The following UBE2L3 variants were observed in gnomAD, a reference collection of about 807,000 sequenced individuals.
UBE2L3 encodes ubiquitin-conjugating enzyme E2 L3.
In UBE2L3, 1 loss-of-function variant was observed where a neutral mutation model predicts 17.8. That is an observed-to-expected ratio of 0.06 (90% CI 0.02 to 0.27). UBE2L3 has a LOEUF of 0.27. UBE2L3 is among the 10% of genes least tolerant of loss of function. UBE2L3 has a pLI of 1.00. For synonymous variants in UBE2L3, 44 were observed against 68.5 expected, an observed-to-expected ratio of 0.64 and a Z score of 1.76; for missense variants, 40 against 192.6, an observed-to-expected ratio of 0.21 and a Z score of 4.69.
At chr22:21,613,525 T>G (rs1929611547) in intron 3 of UBE2L3, among the ~76,000 whole-genome samples, 2 of 152,218 alleles carry the variant, frequency 1.3e-5, no homozygotes, top group South Asian at 4.1e-4. Flanking sequence ...GTAGATTGTT[T>G]GTGGCATGGC....
chr22:21,610,697 C>CTT (rs779582747), intron 2 of UBE2L3, among the ~76,000 whole-genome samples, 160 bp from the exon 3 acceptor site: 23 of 152,330 alleles, frequency 1.5e-4, no homozygotes, highest in Non-Finnish European at 2.2e-4. Flanking sequence ...TCTAGAAATA[C>CTT]TTTTGGGTGG....
intron 1 of UBE2L3, among the ~76,000 whole-genome samples, chr22:21,586,953 T>G (rs1411121219): frequency 6.6e-6 from 1 of 150,728 alleles, no homozygotes. Context: ...TGGTGTGATC[T>G]TGGCTCACGG....
At chr22:21,600,436 C>G (rs947676636) in intron 2 of UBE2L3, among the ~76,000 whole-genome samples, 1 of 152,194 alleles carries the variant, frequency 6.6e-6, no homozygotes, top group South Asian at 2.1e-4. Context: ...TGGCTCATGC[C>G]TGTAATCCCA....
chr22:21,566,428 A>G (rs944477110), upstream of UBE2L3, among the ~76,000 whole-genome samples: 1 of 151,576 alleles, frequency 6.6e-6, no homozygotes, highest in Non-Finnish European at 1.5e-5. Context: ...TACAAAAAAT[A>G]AAAAAAAACT....
In UBE2L3 at chr22:21,614,566, C is replaced by T. The variant is rs369985352; in HGVS notation, c.310+3523C>T. 4.6e-4 allele frequency: 625 copies of T among 1,367,470 alleles called. 7 individuals are homozygous for T. The South Asian group carries it at 5.4e-3, about 12-fold the overall frequency. 84.7% of individuals were successfully genotyped at this position (1,367,470 alleles called of 1,614,324 possible). A position where few individuals can be genotyped will look rare whatever the true frequency, so the allele number is the denominator to read the frequency against. On this transcript the variant is annotated intron_variant, in intron 3 of 3. Coordinates refer to ENST00000342192, the MANE Select transcript of UBE2L3 (RefSeq NM_003347.4). ...CTGCCCTTGTCCTTAGAAACTTCAGCGTTCCCAATTATGGCTTCTCTCAGA... is the reference window on the plus strand; with the variant it reads ...CTGCCCTTGTCCTTAGAAACTTCAGTGTTCCCAATTATGGCTTCTCTCAGA...
intron 1 of UBE2L3, among the ~76,000 whole-genome samples, chr22:21,590,921 G>A (rs79997258): frequency 0.02 from 3,038 of 152,216 alleles, 110 homozygotes; most frequent in African/African-American, 0.071. Context: ...TGAGCCAGGC[G>A]CTGGCAGGAC....
intron 1 of UBE2L3, among the ~76,000 whole-genome samples, chr22:21,580,422 T>C (rs1927560104): frequency 6.6e-6 from 1 of 152,174 alleles, no homozygotes; most frequent in East Asian, 1.9e-4. Context: ...TTTTCTGTTC[T>C]TGTTGGAATT....
chr22:21,589,736 C>G (rs1296379492), intron 1 of UBE2L3, among the ~76,000 whole-genome samples: 1 of 152,126 alleles, frequency 6.6e-6, no homozygotes, highest in Non-Finnish European at 1.5e-5. Flanking sequence ...TGTTTGTTTG[C>G]CTGTTTCTCT....
intron 1 of UBE2L3, among the ~76,000 whole-genome samples, chr22:21,554,786 T>C (rs1487286669): frequency 2.0e-5 from 3 of 150,824 alleles, no homozygotes. Context: ...TTTCTTTTTT[T>C]TTTCTTTGAG....
At chr22:21,564,133 C>T (rs1183963784), upstream of UBE2L3, among the ~76,000 whole-genome samples, 1 of 151,348 alleles carries the variant, frequency 6.6e-6, no homozygotes, top group East Asian at 1.9e-4. Context: ...TCTCCCGGGC[C>T]CAAGTGATCC....
At chr22:21,599,798 G>GT (rs961969939) in intron 2 of UBE2L3, among the ~76,000 whole-genome samples, 8 of 152,012 alleles carry the variant, frequency 5.3e-5, no homozygotes, top group African/African-American at 1.9e-4. Flanking sequence ...TGTTTGTTTT[G>GT]TTTTTTTCAC....
intron 2 of UBE2L3, among the ~76,000 whole-genome samples, chr22:21,602,824 G>A (rs931100984): frequency 3.3e-5 from 5 of 152,332 alleles, no homozygotes; most frequent in Admixed American, 6.5e-5. Context: ...CCTCGTCCCC[G>A]CATCCCACAA....
intron 3 of UBE2L3, among the ~76,000 whole-genome samples, chr22:21,619,208 G>A (rs1467275360): frequency 6.6e-6 from 1 of 152,134 alleles, no homozygotes; most frequent in Non-Finnish European, 1.5e-5. Flanking sequence ...TGGCCAGTCA[G>A]CCAAGGGTGG....
At chr22:21,581,880 G>C (rs1927657809) in intron 1 of UBE2L3, among the ~76,000 whole-genome samples, 1 of 151,854 alleles carries the variant, frequency 6.6e-6, no homozygotes, top group Admixed American at 6.6e-5. Flanking sequence ...GGGAGGCTGA[G>C]GCAGGTGGAT....
chr22:21,601,413 A>G (rs1204418592), intron 2 of UBE2L3, among the ~76,000 whole-genome samples: 1 of 151,458 alleles, frequency 6.6e-6, no homozygotes, highest in African/African-American at 2.4e-5. Flanking sequence ...CATGGGTTCA[A>G]GTGATTCTCC....
chr22:21,562,768 G>A (rs1926490559), upstream of UBE2L3, among the ~76,000 whole-genome samples: 1 of 150,082 alleles, frequency 6.7e-6, no homozygotes, highest in African/African-American at 2.5e-5. Flanking sequence ...GCCTCCCAAG[G>A]TGCTGGGATT....
chr22:21,555,636 A>AT (rs1244120572), intron 1 of UBE2L3, among the ~76,000 whole-genome samples: 2,802 of 149,854 alleles, frequency 0.019, 1 homozygote, highest in African/African-American at 0.066. Context: ...AAAAAAAAAA[A>AT]TTTTTTTTTT....
At chr22:21,609,843 T>G (rs1275835303) in intron 2 of UBE2L3, among the ~76,000 whole-genome samples, 2 of 152,022 alleles carry the variant, frequency 1.3e-5, no homozygotes, top group East Asian at 3.9e-4. Flanking sequence ...CTGGCCAACA[T>G]GGTGAAACCG....
At chr22:21,557,429 T>C (rs1179439870) in intron 1 of UBE2L3, among the ~76,000 whole-genome samples, 2 of 152,174 alleles carry the variant, frequency 1.3e-5, no homozygotes, top group Admixed American at 1.3e-4. Flanking sequence ...TAAATAAAAA[T>C]AAATTAAACA....
Sources: gnomAD v4.1 joint callset for allele counts (sites outside exome capture counted in the v4.1 genomes callset) on GRCh38, gnomAD v4.1.1 for gene constraint, MANE v1.5 for transcripts, NCBI Gene and HGNC (gene_info 2026-07-23, HGNC 2026-07-21) for gene names.